MRPS6: variants seen among roughly 807,000 people sequenced by gnomAD.
MRPS6 encodes small ribosomal subunit protein bS6m.
In MRPS6, 6 loss-of-function variants were observed where a neutral mutation model predicts 13.1. That is an observed-to-expected ratio of 0.46 (90% CI 0.25 to 0.91). MRPS6 has a LOEUF of 0.91. Among genes scored for constraint, MRPS6 ranks in the 40% least tolerant of loss-of-function variants. The pLI, the probability that MRPS6 is intolerant of heterozygous loss-of-function variation, is 0.18. For synonymous variants in MRPS6, 61 were observed against 56.5 expected, an observed-to-expected ratio of 1.08 and a Z score of -0.36; for missense variants, 164 against 155.6, an observed-to-expected ratio of 1.05 and a Z score of -0.29.
At chr21:34,095,999 G>T (rs891136793) in intron 1 of MRPS6, 2 of 1,614,086 alleles carry the variant, frequency 1.2e-6, no homozygotes, top group Non-Finnish European at 1.7e-6. Context: ...TCATTCTTGG[G>T]CAGACCCCAG....
At chr21:34,100,189 T>C in intron 1 of MRPS6, 1 of 1,000,172 alleles carries the variant, frequency 1.0e-6, no homozygotes, top group Non-Finnish European at 1.2e-6. Flanking sequence ...TAGAGAAAAA[T>C]AAATGTCTTA....
At chr21:34,124,456 TC>T (rs1980230038) in intron 1 of MRPS6, 1 of 151,954 alleles carries the variant, frequency 6.6e-6, no homozygotes, top group African/African-American at 2.4e-5. Flanking sequence ...TAATTCACCA[TC>T]CAGTCTATCT....
At position 34,096,365 on chromosome 21, in the gene MRPS6, A is replaced by G. The variant is rs764549539; in HGVS notation, c.45+22620A>G. ...CTATCTTTAACAGTGCCAGTACCATATTCACCCTCGATGTGTACAAACTTA... is the reference window on the plus strand; with the variant it reads ...CTATCTTTAACAGTGCCAGTACCATGTTCACCCTCGATGTGTACAAACTTA... On this transcript the variant is annotated intron_variant, in intron 1 of 2. Coordinates refer to ENST00000399312, the MANE Select transcript of MRPS6 (RefSeq NM_032476.4). The surrounding 1 kb of genome is among the most constrained non-coding windows in gnomAD (Gnocchi z 5.9). The G allele has an allele frequency of 3.1e-6, 5 of 1,614,160 alleles. No homozygotes were observed. In the South Asian group the frequency reaches 5.5e-5, roughly 18 times the overall value.
intron 2 of MRPS6, among the ~76,000 whole-genome samples, chr21:34,131,849 C>G (rs976490270): frequency 6.6e-6 from 1 of 152,158 alleles, no homozygotes; most frequent in African/African-American, 2.4e-5. Context: ...TGGGTTTCTG[C>G]TCATGCAGCA....
At chr21:34,104,449 T>C in intron 1 of MRPS6, 1 of 999,810 alleles carries the variant, frequency 1.0e-6, no homozygotes, top group Non-Finnish European at 1.2e-6. Context: ...TGTTAAAAGA[T>C]GTAATTCTCA....
intron 1 of MRPS6, chr21:34,100,176 A>ATCC (rs907881228): frequency 1.0e-6 from 1 of 1,000,112 alleles, no homozygotes; most frequent in African/African-American, 1.7e-5. Context: ...TGGTCTTGGA[A>ATCC]GGTAGAGAAA....
At chr21:34,090,587 C>T (rs1978635718) in intron 1 of MRPS6, among the ~76,000 whole-genome samples, 1 of 152,156 alleles carries the variant, frequency 6.6e-6, no homozygotes, top group Non-Finnish European at 1.5e-5. Flanking sequence ...ATGCCTTGCA[C>T]ATAGTTGACA....
rs189950571 is a variant in MRPS6 at position 34,107,041 on chromosome 21, C to T, written c.46-18300C>T. 1.8e-3 allele frequency among the ~76,000 whole-genome samples: 278 copies of T among 152,238 alleles called. 1 individual carries two copies. Among genetic ancestry groups the T allele is most frequent in the Non-Finnish European group, 2.6e-3 (175 of 68,020 alleles). On this transcript the variant is annotated intron_variant, in intron 1 of 2. Coordinates refer to ENST00000399312, the MANE Select transcript of MRPS6 (RefSeq NM_032476.4). ...CTGTCTCCTGAGTTCAAGCAATTCT[C>T]GTGCCTCAACCTCTTGGGTAACTGG...
chr21:34,105,625 TTTAG>T, intron 1 of MRPS6: 2 of 1,000,034 alleles, frequency 2.0e-6, no homozygotes, highest in Non-Finnish European at 2.4e-6. Flanking sequence ...CATGTGTCAT[TTTAG>T]TTAGGCATTG....
chr21:34,097,965 T>C (rs1228857204), intron 1 of MRPS6: 1 of 996,710 alleles, frequency 1.0e-6, no homozygotes, highest in African/African-American at 1.8e-5. Flanking sequence ...GTATATGGAA[T>C]GTTAGGGAAA....
Position 34,142,746 on chromosome 21 carries a change from TCCCC to T in MRPS6, c.*147_*150del. On this transcript the variant is annotated 3_prime_UTR_variant, in exon 3 of 3. Coordinates refer to ENST00000399312, the MANE Select transcript of MRPS6 (RefSeq NM_032476.4). Reference sequence around the variant, plus strand: ...TTTCTAAGGTATTTTTAGCCCTTGATCCCCTTTGCTTGCGAGAGGTGGGGAACTG... The same window carrying T: ...TTTCTAAGGTATTTTTAGCCCTTGATTTTGCTTGCGAGAGGTGGGGAACTG... 1.0e-6 allele frequency: 1 copy of T among 970,410 alleles called. No homozygotes were observed. Among genetic ancestry groups the T allele is most frequent in the South Asian group, 2.3e-5 (1 of 43,108 alleles). The allele number at this position is 970,410 out of a possible 1,614,324, so 60.1% of individuals were successfully genotyped here.
chr21:34,089,463 G>A (rs1325876015), intron 1 of MRPS6, among the ~76,000 whole-genome samples: 2 of 151,770 alleles, frequency 1.3e-5, no homozygotes, highest in Non-Finnish European at 2.9e-5. Flanking sequence ...TATCTACAAG[G>A]TCTTATTTCT....
chr21:34,103,753 G>A, intron 1 of MRPS6: 1 of 999,666 alleles, frequency 1.0e-6, no homozygotes, highest in Non-Finnish European at 1.2e-6. Context: ...CTAATGGTAA[G>A]GGACCCAAAG....
chr21:34,136,487 G>A (rs1980709474), intron 2 of MRPS6, among the ~76,000 whole-genome samples: 1 of 152,144 alleles, frequency 6.6e-6, no homozygotes, highest in African/African-American at 2.4e-5. Flanking sequence ...CACTTGGTGT[G>A]GTCAGCCTTT....
At chr21:34,073,824 T>C in intron 1 of MRPS6, 79 bp downstream of exon 1, 3 of 1,103,650 alleles carry the variant, frequency 2.7e-6, no homozygotes, top group Non-Finnish European at 3.6e-6. Flanking sequence ...CCGCGCGCCC[T>C]GGCCGCGGGA....
At chr21:34,094,555 C>A (rs2409513) in intron 1 of MRPS6, among the ~76,000 whole-genome samples, 152,290 of 152,292 alleles carry the variant, frequency 1, 76,144 homozygotes, top group Non-Finnish European at 1. Context: ...CTAATCTGAG[C>A]ATACCACAGT....
At chr21:34,135,190 G>C (rs535371835) in intron 2 of MRPS6, among the ~76,000 whole-genome samples, 8 of 152,120 alleles carry the variant, frequency 5.3e-5, no homozygotes, top group African/African-American at 1.4e-4. Flanking sequence ...GGTTGTTATA[G>C]GTACAGCTGC....
At chr21:34,137,248 C>G (rs1200721994) in intron 2 of MRPS6, among the ~76,000 whole-genome samples, 2 of 152,056 alleles carry the variant, frequency 1.3e-5, no homozygotes, top group Non-Finnish European at 2.9e-5. Context: ...AATAATAGAT[C>G]TCAATTTTTG....
At position 34,073,760 on chromosome 21, in the gene MRPS6, C is replaced by T. The variant is rs773034645; in HGVS notation, c.45+15C>T. On this transcript the variant is annotated intron_variant, in intron 1 of 2. Coordinates refer to ENST00000399312, the MANE Select transcript of MRPS6 (RefSeq NM_032476.4). ...CCATGCAGCGGGTAAGTGACCTTCC[C>T]TCAGAGCCGGTCTTCCCGCGCGGGC... is the stretch of plus-strand genomic sequence containing the variant. 1 of 1,503,086 alleles carries T rather than the reference C, an allele frequency of 6.7e-7. No homozygotes were observed. The highest frequency in any genetic ancestry group is 8.9e-7 in the Non-Finnish European group (1 of 1,119,432). The allele number at this position is 1,503,086 out of a possible 1,614,324, so 93.1% of individuals were successfully genotyped here. A position where few individuals can be genotyped will look rare whatever the true frequency, so the allele number is the denominator to read the frequency against.
Sources: gnomAD v4.1 joint callset for allele counts (sites outside exome capture counted in the v4.1 genomes callset) on GRCh38, gnomAD v4.1.1 for gene constraint, Gnocchi (gnomAD v3.1) non-coding constraint, MANE v1.5 for transcripts, NCBI Gene and HGNC (gene_info 2026-07-23, HGNC 2026-07-21) for gene names.